EPHA3: variants seen among roughly 807,000 people sequenced by gnomAD.
The protein encoded by EPHA3 is EPH receptor A3, also known as ephrin type-A receptor 3.
In EPHA3, 42 loss-of-function variants were observed where a neutral mutation model predicts 107.1. The observed-to-expected ratio is 0.39, with a 90% CI of 0.31 to 0.51. The LOEUF (loss-of-function observed/expected upper bound fraction) is 0.51. Ranked by LOEUF, EPHA3 falls within the 20% of genes least tolerant of loss-of-function variation. EPHA3 has a pLI of 0.78. For missense variants in EPHA3, 1,183 were observed against 1,211.2 expected (o/e 0.98, Z 0.35); for synonymous variants, 461 against 424.8 (o/e 1.09, Z -1.05).
chr3:89,444,448 A>G (rs1709842712), intron 13 of EPHA3, among the ~76,000 whole-genome samples: 1 of 152,024 alleles, frequency 6.6e-6, no homozygotes, highest in Non-Finnish European at 1.5e-5. Flanking sequence ...TTAAAGCCAG[A>G]GCAATTTGAT....
rs576637536 is a variant in EPHA3, at chr3:89,342,235, C to A, written c.1306+145C>A. 1.6e-4 allele frequency: 104 copies of A among 632,344 alleles called. 1 individual carries two copies. The highest frequency in any genetic ancestry group is 1.4e-3 in the African/African-American group (78 of 54,468). The allele number at this position is 632,344 out of a possible 1,614,324, so 39.2% of individuals were successfully genotyped here. ...TTCTAACACATTTAAACAGTTATGG[C>A]ACATTAAATAATTTAATTCTTCAAG... On this transcript the variant is annotated intron_variant, in intron 5 of 16. Transcript: ENST00000336596.
At chr3:89,416,852 G>T (rs1709258786) in intron 10 of EPHA3, among the ~76,000 whole-genome samples, 1 of 151,388 alleles carries the variant, frequency 6.6e-6, no homozygotes, top group Non-Finnish European at 1.5e-5. Flanking sequence ...TTTAAAATTT[G>T]AACTCCTACT....
intron 1 of EPHA3, among the ~76,000 whole-genome samples, chr3:89,108,201 G>A (rs1301024839): frequency 6.6e-6 from 1 of 152,102 alleles, no homozygotes; most frequent in Non-Finnish European, 1.5e-5. Context: ...GTGGTACTCC[G>A]AGAAGTTTGA....
At chr3:89,133,893 GCTT>G (rs1409371790) in intron 2 of EPHA3, among the ~76,000 whole-genome samples, 15 of 152,176 alleles carry the variant, frequency 9.9e-5, no homozygotes, top group Non-Finnish European at 8.8e-5. Context: ...GTGCTTTGGA[GCTT>G]CTTCTTGGTC....
chr3:89,243,301 C>T (rs1196669958), intron 3 of EPHA3, among the ~76,000 whole-genome samples: 2 of 152,144 alleles, frequency 1.3e-5, no homozygotes, highest in African/African-American at 2.4e-5. Context: ...AATGGTATTT[C>T]TAGTTCTAGA....
At chr3:89,287,378 G>T (rs1706113761) in intron 3 of EPHA3, among the ~76,000 whole-genome samples, 1 of 152,074 alleles carries the variant, frequency 6.6e-6, no homozygotes, top group South Asian at 2.1e-4. Flanking sequence ...TGTCCTTTTG[G>T]CATTCAAGTG....
At chr3:89,419,580 A>G (rs2107527154) in intron 11 of EPHA3, among the ~76,000 whole-genome samples, 190 bp downstream of exon 11, 1 of 151,480 alleles carries the variant, frequency 6.6e-6, no homozygotes, top group South Asian at 2.1e-4. Flanking sequence ...TATTGACAGT[A>G]CTGTTTTAGA....
intron 3 of EPHA3, among the ~76,000 whole-genome samples, chr3:89,260,809 C>A (rs13316356): frequency 0.26 from 40,100 of 152,080 alleles, 5,567 homozygotes; most frequent in African/African-American, 0.31. Context: ...CAGTCAAAAT[C>A]ACCCTCTGTG....
intron 2 of EPHA3, among the ~76,000 whole-genome samples, chr3:89,127,640 C>T (rs1704121482): frequency 6.6e-6 from 1 of 151,910 alleles, no homozygotes; most frequent in Non-Finnish European, 1.5e-5. Flanking sequence ...AGACGGTAAT[C>T]TCCAAAGTCA....
chr3:89,272,343 AT>A (rs1237259182), intron 3 of EPHA3, among the ~76,000 whole-genome samples: 1 of 151,852 alleles, frequency 6.6e-6, no homozygotes, highest in East Asian at 1.9e-4. Flanking sequence ...AAAAATTTAA[AT>A]AAAAATATTT....
intron 2 of EPHA3, among the ~76,000 whole-genome samples, chr3:89,145,321 A>G (rs1704518285): frequency 6.6e-6 from 1 of 151,820 alleles, no homozygotes; most frequent in East Asian, 1.9e-4. Context: ...ACCTTTATAT[A>G]GAGATTCTTC....
At chr3:89,424,204 C>A (rs962737868) in intron 11 of EPHA3, among the ~76,000 whole-genome samples, 1 of 151,356 alleles carries the variant, frequency 6.6e-6, no homozygotes, top group Non-Finnish European at 1.5e-5. Context: ...CACCATTTCC[C>A]AAGTGTAGTT....
chr3:89,441,848 G>A (rs1354902463), intron 13 of EPHA3, among the ~76,000 whole-genome samples: 1 of 152,142 alleles, frequency 6.6e-6, no homozygotes, highest in African/African-American at 2.4e-5. Context: ...CTTAAATGCA[G>A]CAAGTCTTAT....
intron 13 of EPHA3, among the ~76,000 whole-genome samples, chr3:89,435,523 T>C (rs922621623): frequency 6.8e-6 from 1 of 146,120 alleles, no homozygotes; most frequent in African/African-American, 2.5e-5. Flanking sequence ...ATGCTATATC[T>C]ATATAAATAC....
At chr3:89,208,427 A>AAGG (rs1559600798) in intron 2 of EPHA3, among the ~76,000 whole-genome samples, 1,483 of 19,958 alleles carry the variant, frequency 0.074, 19 homozygotes, top group East Asian at 0.093. Context: ...AGGAAGGAAG[A>AAGG]AAGAAAGAAA....
At chr3:89,399,230 G>C in intron 6 of EPHA3, 88 bp from the exon 7 acceptor site, 2 of 1,153,000 alleles carry the variant, frequency 1.7e-6, no homozygotes, top group Non-Finnish European at 2.4e-6. Flanking sequence ...AAATATAAAA[G>C]AATCAGGTTT....
intron 5 of EPHA3, among the ~76,000 whole-genome samples, chr3:89,352,158 A>T (rs1397643866): frequency 6.6e-6 from 1 of 151,252 alleles, no homozygotes; most frequent in Non-Finnish European, 1.5e-5. Flanking sequence ...TAATGAAGGA[A>T]TTCCTATCCT....
intron 3 of EPHA3, among the ~76,000 whole-genome samples, chr3:89,325,481 A>G (rs991080390): frequency 1.3e-5 from 2 of 152,190 alleles, no homozygotes; most frequent in African/African-American, 4.8e-5. Context: ...TTAATGTAGA[A>G]AAACAAGCCA....
chr3:89,285,171 T>C (rs1171998433), intron 3 of EPHA3, among the ~76,000 whole-genome samples: 2 of 152,232 alleles, frequency 1.3e-5, no homozygotes, highest in East Asian at 3.9e-4. Flanking sequence ...ATCACTCCTC[T>C]TTTTGTTTAA....
Sources: gnomAD v4.1 joint callset for allele counts (sites outside exome capture counted in the v4.1 genomes callset) on GRCh38, gnomAD v4.1.1 for gene constraint, MANE v1.5 for transcripts, NCBI Gene and HGNC (gene_info 2026-07-23, HGNC 2026-07-21) for gene names.